Variants in XG observed in about 807,000 individuals in gnomAD.
XG encodes the protein Xg glycoprotein (Xg blood group).
In XG, 24 loss-of-function variants were observed where a neutral mutation model predicts 25.7. The observed-to-expected ratio is 0.93, with a 90% CI of 0.68 to 1.31. XG has a LOEUF of 1.31. XG is among the 40% of genes most tolerant of loss of function. The pLI is 0.00. For synonymous variants in XG, 77 were observed against 69.2 expected (o/e 1.11, Z -0.56); for missense variants, 181 against 187.6 (o/e 0.96, Z 0.21).
chrX:2,772,923 C>G (rs375315054), intron 2 of XG, among the ~76,000 whole-genome samples: 6 of 152,130 alleles, frequency 3.9e-5, no homozygotes, highest in African/African-American at 1.4e-4. Context: ...TGCAGAGGAA[C>G]CACAGTCACC....
In XG at chrX:2,786,260, C is replaced by CTTTTTTTTTTTTTTTTTTT. The variant is rs1179667048; in HGVS notation, c.191-3367_191-3366insTTTTTTTTTTTTTTTTTTT. 8.5e-3 allele frequency among the ~76,000 whole-genome samples: 512 copies of CTTTTTTTTTTTTTTTTTTT among 60,524 alleles called. 100 individuals are homozygous for CTTTTTTTTTTTTTTTTTTT. Among genetic ancestry groups the CTTTTTTTTTTTTTTTTTTT allele is most frequent in the African/African-American group, 0.026 (374 of 14,186 alleles). 52.6% of individuals were successfully genotyped at this position (60,524 alleles called of 115,157 possible). On this transcript the variant is annotated intron_variant, in intron 4 of 10. Coordinates refer to ENST00000644266, the MANE Select transcript of XG (RefSeq NM_001141919.2). Reference sequence around the variant, plus strand: ...CCCCAGCAGCTCCTATCCATGTTGTCTTTTTTTTTTTTTTTTTCAGACAGA... The same window carrying CTTTTTTTTTTTTTTTTTTT: ...CCCCAGCAGCTCCTATCCATGTTGTCTTTTTTTTTTTTTTTTTTTTTTTTTTTTTTTTTTTTCAGACAGA...
At chrX:2,789,232 AAAC>A (rs1183893169) in intron 4 of XG, among the ~76,000 whole-genome samples, 2 of 111,814 alleles carry the variant, frequency 1.8e-5, no homozygotes, top group African/African-American at 6.5e-5. Flanking sequence ...CTCTGTCTCA[AAAC>A]AACAACAACA....
At chrX:2,762,439 A>T (rs1299338517) in intron 1 of XG, among the ~76,000 whole-genome samples, 1 of 151,876 alleles carries the variant, frequency 6.6e-6, no homozygotes, top group East Asian at 1.9e-4. Context: ...GGTTCCGAGG[A>T]GCAGATCATG....
chrX:2,791,668 G>A (rs2086839178), intron 5 of XG, among the ~76,000 whole-genome samples: 1 of 109,534 alleles, frequency 9.1e-6, no homozygotes, highest in African/African-American at 3.3e-5. Context: ...GAATTAGAAT[G>A]AGAACTCTAC....
rs2050795120 is a variant in XG, at chrX:2,770,543, CCA to C, written c.62-6_62-5del. 3 of 1,613,710 alleles carry C rather than the reference CCA, an allele frequency of 1.9e-6. No homozygotes were observed. Among genetic ancestry groups the C allele is most frequent in the Admixed American group, 3.3e-5 (2 of 59,974 alleles). ...GGGGTGACTTATGCCCTGTTTGCTC[CCA>C]ATAGGTCAAAGAGACTTTGATTTGG... On this transcript the variant is annotated splice_region_variant and splice_polypyrimidine_tract_variant and intron_variant, in intron 1 of 10. Coordinates refer to ENST00000644266, the MANE Select transcript of XG (RefSeq NM_001141919.2).
intron 7 of XG, among the ~76,000 whole-genome samples, chrX:2,806,369 A>C (rs768801474): frequency 1.3e-4 from 14 of 110,862 alleles, no homozygotes; most frequent in Admixed American, 1.1e-3. Flanking sequence ...ATAAATTACT[A>C]TTTGTGGCCT....
At chrX:2,770,272 A>C (rs1352109378) in intron 1 of XG, among the ~76,000 whole-genome samples, 2 of 146,436 alleles carry the variant, frequency 1.4e-5, no homozygotes, top group Admixed American at 1.4e-4. Context: ...CAGACAATTC[A>C]TGGAGACAGA....
At chrX:2,771,115 A>G (rs1336446983) in intron 2 of XG, among the ~76,000 whole-genome samples, 1 of 151,924 alleles carries the variant, frequency 6.6e-6, no homozygotes, top group Non-Finnish European at 1.5e-5. Context: ...TGGTTTCTCA[A>G]AACACTGGGA....
intron 1 of XG, among the ~76,000 whole-genome samples, chrX:2,760,630 G>A (rs1054535889): frequency 1.3e-5 from 2 of 151,064 alleles, no homozygotes; most frequent in African/African-American, 4.9e-5. Context: ...AGCTACTTGG[G>A]AGGCTGAGGC....
chrX:2,769,736 T>C (rs1455502427), intron 1 of XG, among the ~76,000 whole-genome samples: 2 of 152,226 alleles, frequency 1.3e-5, no homozygotes, highest in African/African-American at 4.8e-5. Flanking sequence ...TTCTCTCTGC[T>C]GCAGACACAT....
chrX:2,808,389 G>A (rs1250499928), intron 9 of XG, 169 bp downstream of exon 9: 8 of 793,110 alleles, frequency 1.0e-5, no homozygotes, highest in South Asian at 2.9e-5. Context: ...CTGACCTTCA[G>A]CACAGGACCA....
chrX:2,752,152 A>G lies in XG; in HGVS notation c.-123A>G, dbSNP rs771464380. The G allele has an allele frequency of 3.3e-6, 5 of 1,510,342 alleles. No individual in the cohort carries two copies. Among genetic ancestry groups the G allele is most frequent in the Non-Finnish European group, 2.7e-6 (3 of 1,116,348 alleles). The allele number at this position is 1,510,342 out of a possible 1,614,324, so 93.6% of individuals were successfully genotyped here. ...TTCCGCTCATATTTTCCACTTGAAG[A>G]CATCGCCTCCCTTCCTTCCAAGCTG... On this transcript the variant is annotated 5_prime_UTR_variant, in exon 1 of 11. Transcript: ENST00000644266.
intron 1 of XG, among the ~76,000 whole-genome samples, chrX:2,759,329 C>G (rs2050510461): frequency 6.6e-6 from 1 of 152,142 alleles, no homozygotes; most frequent in Non-Finnish European, 1.5e-5. Context: ...AACTTCTAAC[C>G]CTGCGAAAGG....
intron 10 of XG, among the ~76,000 whole-genome samples, chrX:2,814,116 C>CT (rs959248408): frequency 6.4e-5 from 7 of 109,480 alleles, no homozygotes; most frequent in African/African-American, 1.3e-4. Flanking sequence ...TCTTGGTTTT[C>CT]TTTTTTTTAA....
intron 3 of XG, among the ~76,000 whole-genome samples, chrX:2,775,484 G>T (rs1365162185): frequency 6.6e-6 from 1 of 152,184 alleles, no homozygotes; most frequent in Admixed American, 6.5e-5. Context: ...GGGAAAGAGA[G>T]AGTGACTGCT....
chrX:2,811,284 C>T, intron 9 of XG, 52 bp from the exon 10 acceptor site: 1 of 1,026,128 alleles, frequency 9.7e-7, no homozygotes, highest in Non-Finnish European at 1.4e-6. Context: ...AGCAGTTTTC[C>T]TGCAGCCATG....
intron 3 of XG, among the ~76,000 whole-genome samples, chrX:2,780,882 G>A (rs2857317): frequency 0.27 from 40,434 of 151,880 alleles, 1,365 homozygotes; most frequent in South Asian, 0.38. Flanking sequence ...CAAAGGAGGC[G>A]ATCAGATACG....
chrX:2,781,148 T>C (rs180883975), intron 3 of XG, among the ~76,000 whole-genome samples: 36,581 of 151,502 alleles, frequency 0.24, 5,365 homozygotes, highest in African/African-American at 0.46. Flanking sequence ...GCCAGTGCTG[T>C]TATACAAAGG....
chrX:2,784,569 CAAAAAAA>C (rs71866753), intron 4 of XG, among the ~76,000 whole-genome samples: 1 of 53,227 alleles, frequency 1.9e-5, no homozygotes, highest in African/African-American at 5.2e-5. Flanking sequence ...GACTCCGTCT[CAAAAAAA>C]AAAAAAAAAA....
Sources: gnomAD v4.1 joint callset for allele counts (sites outside exome capture counted in the v4.1 genomes callset) on GRCh38, gnomAD v4.1.1 for gene constraint, MANE v1.5 for transcripts, NCBI Gene and HGNC (gene_info 2026-07-23, HGNC 2026-07-21) for gene names.